The following SORCS1 variants were observed in gnomAD, a reference collection of about 807,000 sequenced individuals.
The protein encoded by SORCS1 is sortilin related VPS10 domain containing receptor 1, also known as VPS10 domain-containing receptor SorCS1.
A neutral mutation model predicts 146.1 loss-of-function variants in SORCS1; 60 were observed. The ratio of observed to expected loss-of-function variants is 0.41; its 90% confidence interval spans 0.33 to 0.51. The LOEUF (loss-of-function observed/expected upper bound fraction) is 0.51, where lower values mean the gene tolerates loss of function less well. Among genes scored for constraint, SORCS1 ranks in the 20% least tolerant of loss-of-function variants. The pLI is 0.21. For missense variants in SORCS1, 1,352 were observed against 1,487.6 expected, an observed-to-expected ratio of 0.91 and a Z score of 1.50; for synonymous variants, 637 against 584.0, an observed-to-expected ratio of 1.09 and a Z score of -1.31.
chr10:106,632,759 A>G (rs964105438), intron 18 of SORCS1, among the ~76,000 whole-genome samples: 2 of 152,240 alleles, frequency 1.3e-5, no homozygotes, highest in African/African-American at 4.8e-5. Flanking sequence ...GCAGGGTGAC[A>G]TGAAGGAAAG....
At chr10:106,910,163 T>C (rs1952078592) in intron 2 of SORCS1, among the ~76,000 whole-genome samples, 1 of 152,144 alleles carries the variant, frequency 6.6e-6, no homozygotes, top group Non-Finnish European at 1.5e-5. Flanking sequence ...AAGTTTTAAA[T>C]ATAGTTGAGG....
chr10:106,684,455 C>T (rs1052914973), intron 10 of SORCS1, among the ~76,000 whole-genome samples: 1 of 152,182 alleles, frequency 6.6e-6, no homozygotes, highest in African/African-American at 2.4e-5. Context: ...CAGTTCAGCT[C>T]ACATCTTGCC....
chr10:107,023,945 G>T (rs1161033650), intron 1 of SORCS1, among the ~76,000 whole-genome samples: 1 of 152,026 alleles, frequency 6.6e-6, no homozygotes, highest in Non-Finnish European at 1.5e-5. Flanking sequence ...ATAAAGAGAG[G>T]TTCAGGTCAT....
At chr10:106,795,525 G>C (rs1450342431) in intron 3 of SORCS1, among the ~76,000 whole-genome samples, 1 of 152,102 alleles carries the variant, frequency 6.6e-6, no homozygotes, top group Non-Finnish European at 1.5e-5. Context: ...GGAACACTGA[G>C]GACTAGACCA....
At chr10:107,048,462 T>C (rs1240670925) in intron 1 of SORCS1, among the ~76,000 whole-genome samples, 5 of 152,232 alleles carry the variant, frequency 3.3e-5, no homozygotes, top group Admixed American at 6.5e-5. Context: ...AATTAGGGTA[T>C]AAATTCCACC....
intron 11 of SORCS1, 82 bp from the exon 12 acceptor site, chr10:106,679,414 G>C: frequency 1.7e-6 from 2 of 1,188,052 alleles, no homozygotes; most frequent in Non-Finnish European, 2.5e-6. Context: ...CACTGCCTGA[G>C]AAAGATTTTG....
In SORCS1 at chr10:106,754,379, T is replaced by G. The variant is rs187504889; in HGVS notation, c.959+7209A>C. On this transcript the variant is annotated intron_variant, in intron 5 of 25. Transcript: ENST00000263054. ...AGCTCTTATGCCTTTAAGAAGCCTA[T>G]GGATACAGTGGAGTCTAATAAAGTT... Among the ~76,000 whole-genome samples, 488 of 152,360 alleles carry G rather than the reference T, an allele frequency of 3.2e-3. 1 individual carries two copies. The highest frequency in any genetic ancestry group is 0.011 in the African/African-American group (461 of 41,590).
At chr10:107,147,850 T>C (rs1181837410) in intron 1 of SORCS1, among the ~76,000 whole-genome samples, 1 of 151,990 alleles carries the variant, frequency 6.6e-6, no homozygotes, top group African/African-American at 2.4e-5. Context: ...TGATGCTTAG[T>C]GCTTGGAGGG....
At chr10:107,074,823 C>T (rs1962745419) in intron 1 of SORCS1, among the ~76,000 whole-genome samples, 1 of 151,916 alleles carries the variant, frequency 6.6e-6, no homozygotes, top group Non-Finnish European at 1.5e-5. Context: ...TTTTCATATC[C>T]TTACTCGTCA....
rs534445533 is a variant in SORCS1 at position 106,768,677 on chromosome 10, A to T, written c.886-7016T>A. 9.2e-5 allele frequency among the ~76,000 whole-genome samples: 14 copies of T among 152,310 alleles called. No individual in the cohort carries two copies. In the South Asian group the frequency reaches 2.9e-3, roughly 32 times the overall value. On this transcript the variant is annotated intron_variant, in intron 4 of 25. Transcript: ENST00000263054. ...TAGTGATTGTCTAAAAAGGCATTTA[A>T]ATTAAATTGATTAAAGTGCCTGTAG... is the stretch of plus-strand genomic sequence containing the variant.
intron 9 of SORCS1, among the ~76,000 whole-genome samples, chr10:106,698,861 C>A (rs1853910239): frequency 6.6e-6 from 1 of 152,080 alleles, no homozygotes; most frequent in South Asian, 2.1e-4. Context: ...GTGCATCCAC[C>A]ATCCCTTTAC....
intron 1 of SORCS1, among the ~76,000 whole-genome samples, chr10:106,989,686 T>TTTG (rs1956678401): frequency 2.9e-5 from 4 of 138,050 alleles, no homozygotes; most frequent in African/African-American, 1.2e-4. Context: ...TTTTGTTTTT[T>TTTG]TTTTTTTTTT....
chr10:106,697,901 T>C (rs1589686554), intron 9 of SORCS1, among the ~76,000 whole-genome samples: 1 of 152,228 alleles, frequency 6.6e-6, no homozygotes, highest in East Asian at 1.9e-4. Flanking sequence ...CATCACAATA[T>C]GTAAATTTCT....
the SORCS1 span, among the ~76,000 whole-genome samples, chr10:107,170,951 C>T: frequency 1.3e-5 from 2 of 152,194 alleles, no homozygotes; most frequent in African/African-American, 4.8e-5. Context: ...CCGTGCATGT[C>T]ACTCACTAAC....
At chr10:106,971,358 C>G (rs1955779320) in intron 1 of SORCS1, among the ~76,000 whole-genome samples, 2 of 152,138 alleles carry the variant, frequency 1.3e-5, no homozygotes, top group South Asian at 4.1e-4. Context: ...TGTGGATCGT[C>G]TGACTGAATG....
rs780274659 is a variant in SORCS1, at chr10:106,730,084, G to A, written c.990C>T (p.Asp330=). ...WSVMGSNKEP[D]LVHLEARTVD... is the part of the protein sequence containing the mutation. The stretch of plus-strand genomic sequence containing the variant: ...CAGTTCTGGCCTCAAGATGCACAAG[G>A]TCTGGTTCTTTATTTGACCCCATCA... The change falls in exon 6 of 26, where the codon GAC becomes GAT. Residue 330 remains aspartate (D), a synonymous_variant. Transcript: ENST00000263054. 1 of 1,614,082 alleles carries A rather than the reference G, an allele frequency of 6.2e-7. No homozygotes were observed. Among genetic ancestry groups the A allele is most frequent in the South Asian group, 1.1e-5 (1 of 91,076 alleles).
At chr10:106,868,953 T>C (rs34865799) in intron 2 of SORCS1, among the ~76,000 whole-genome samples, 5,291 of 152,074 alleles carry the variant, frequency 0.035, 104 homozygotes, top group East Asian at 0.059. Flanking sequence ...GCTCGACTAA[T>C]AAAGATGAAA....
At chr10:107,073,737 A>C (rs1370622732) in intron 1 of SORCS1, among the ~76,000 whole-genome samples, 1 of 152,170 alleles carries the variant, frequency 6.6e-6, no homozygotes, top group African/African-American at 2.4e-5. Flanking sequence ...CTCTGTATTT[A>C]CCTAGGCCAT....
At position 106,894,118 on chromosome 10, in the gene SORCS1, G is replaced by A. The variant is rs762029922; in HGVS notation, c.626+62395C>T. Reference sequence around the variant, plus strand: ...GGTGGAAGCAGCAGGTGGCAAATTCGTTTTTATCTAATAACATTTGATCAT... The same window carrying A: ...GGTGGAAGCAGCAGGTGGCAAATTCATTTTTATCTAATAACATTTGATCAT... On this transcript the variant is annotated intron_variant, in intron 2 of 25. Coordinates refer to ENST00000263054, the MANE Select transcript of SORCS1 (RefSeq NM_052918.5). 3.3e-5 allele frequency among the ~76,000 whole-genome samples: 5 copies of A among 152,238 alleles called. No individual in the cohort carries two copies. In the East Asian group the frequency reaches 5.8e-4, roughly 18 times the overall value.
Sources: allele counts gnomAD v4.1 joint callset (sites outside exome capture counted in the v4.1 genomes callset), GRCh38; gene constraint gnomAD v4.1.1; transcripts MANE v1.5; gene names NCBI Gene and HGNC (gene_info 2026-07-23, HGNC 2026-07-21).